MED13L: variants seen among roughly 807,000 people sequenced by gnomAD.
The protein encoded by MED13L is mediator of RNA polymerase II transcription subunit 13-like.
A neutral mutation model predicts 220.9 loss-of-function variants in MED13L; 7 were observed. The ratio of observed to expected loss-of-function variants is 0.03; its 90% CI spans 0.02 to 0.06. MED13L has a LOEUF of 0.06. Ranked by LOEUF, MED13L falls within the 10% of genes least tolerant of loss-of-function variation. The probability of loss-of-function intolerance (pLI) is 1.00; values close to 1 mark genes in which losing one functional copy is unlikely to be tolerated. For missense variants in MED13L, 1,965 were observed against 2,760.5 expected (o/e 0.71, Z 6.46); for synonymous variants, 1,011 against 1,015.2 (o/e 1.00, Z 0.08).
In MED13L at chr12:115,991,906, T is replaced by C; in HGVS notation, c.3048A>G (p.Pro1016=). ...SLADPDYLNT[P]QMNTPVTLNS... is the part of the protein sequence containing the mutation. ...TCAACGTCACGGGTGTGTTCATCTG[T>C]GGTGTGTTCAGATAGTCTGGATCTG... Residue 1016 remains proline, a synonymous_variant, in exon 17 of 31, where the codon CCA becomes CCG. Transcript: ENST00000281928. The surrounding 1 kb of genome is among the most constrained non-coding windows in gnomAD (Gnocchi z 7.7). 6.2e-7 allele frequency: 1 copy of C among 1,600,854 alleles called. No individual in the cohort carries two copies. Among genetic ancestry groups the C allele is most frequent in the Non-Finnish European group, 8.5e-7 (1 of 1,179,888 alleles).
chr12:115,987,489 A>G (rs1445880482), intron 17 of MED13L, among the ~76,000 whole-genome samples: 1 of 152,212 alleles, frequency 6.6e-6, no homozygotes, highest in African/African-American at 2.4e-5. Context: ...AGTATCAACA[A>G]TAATAAAAGG....
chr12:116,185,100 T>C (rs1279526938), intron 2 of MED13L, among the ~76,000 whole-genome samples: 1 of 152,326 alleles, frequency 6.6e-6, no homozygotes, highest in East Asian at 1.9e-4. Flanking sequence ...CAAGAAATTT[T>C]AACAAACATC....
At position 116,082,481 on chromosome 12, in the gene MED13L, T is replaced by C. The variant is rs529476354; in HGVS notation, c.479+14188A>G. On this transcript the variant is annotated intron_variant, in intron 4 of 30. Transcript: ENST00000281928. ...GGATCCACTTCTGCCTGGGTTGCTT[T>C]TCACCTAGGCTGCCTCCGTTATTAC... is the stretch of plus-strand genomic sequence containing the variant. 1.4e-4 allele frequency: 21 copies of C among 152,324 alleles called. No homozygotes were observed. The Middle Eastern group carries it at 0.014, about 99-fold the overall frequency. The allele number at this position is 152,324 out of a possible 1,614,324, so 9.4% of individuals were successfully genotyped here. A position where few individuals can be genotyped will look rare whatever the true frequency, so the allele number is the denominator to read the frequency against.
chr12:116,110,570 T>C (rs2137895311), intron 3 of MED13L, among the ~76,000 whole-genome samples: 1 of 152,252 alleles, frequency 6.6e-6, no homozygotes, highest in East Asian at 1.9e-4. Context: ...AGAAATAGGA[T>C]AATTATACAA....
intron 1 of MED13L, among the ~76,000 whole-genome samples, chr12:116,274,091 TAGAATA>T (rs978248750): frequency 2.6e-5 from 4 of 152,140 alleles, no homozygotes; most frequent in Non-Finnish European, 5.9e-5. Flanking sequence ...TCACAGCAGT[TAGAATA>T]AGAAACTTAT....
chr12:116,243,773 G>A (rs1201548693), intron 1 of MED13L, among the ~76,000 whole-genome samples: 2 of 152,088 alleles, frequency 1.3e-5, no homozygotes, highest in African/African-American at 4.8e-5. Context: ...AAATTAGGAG[G>A]TCTAGGTCCT....
chr12:116,045,524 T>C (rs1422835088), intron 4 of MED13L, among the ~76,000 whole-genome samples: 1 of 152,184 alleles, frequency 6.6e-6, no homozygotes, highest in Non-Finnish European at 1.5e-5. Context: ...GACTTGTAAC[T>C]AATTATTTAA....
At chr12:116,267,606 G>A (rs539720709) in intron 1 of MED13L, among the ~76,000 whole-genome samples, 10 of 152,240 alleles carry the variant, frequency 6.6e-5, no homozygotes, top group African/African-American at 2.2e-4. Flanking sequence ...GAACTATTAC[G>A]TGATCATACT....
intron 22 of MED13L, among the ~76,000 whole-genome samples, chr12:115,981,486 TAAA>T (rs1877327762): frequency 6.6e-6 from 1 of 152,196 alleles, no homozygotes; most frequent in Non-Finnish European, 1.5e-5. Context: ...TAGAATTTTT[TAAA>T]AAATCATTAC....
chr12:116,093,573 C>T (rs1007783748), intron 4 of MED13L, among the ~76,000 whole-genome samples: 3 of 151,876 alleles, frequency 2.0e-5, no homozygotes, highest in African/African-American at 7.2e-5. Context: ...ACAGGGAGAA[C>T]TCATTCATCA....
intron 1 of MED13L, among the ~76,000 whole-genome samples, chr12:116,275,675 T>G (rs1034201010): frequency 6.6e-6 from 1 of 152,176 alleles, no homozygotes; most frequent in African/African-American, 2.4e-5. Context: ...AAATAATGCT[T>G]CTATCTACAG....
chr12:116,127,649 T>C (rs953922191), intron 2 of MED13L, among the ~76,000 whole-genome samples: 1 of 152,210 alleles, frequency 6.6e-6, no homozygotes, highest in Non-Finnish European at 1.5e-5. Flanking sequence ...ATACTAACAC[T>C]TTGTAAAGTA....
chr12:115,991,154 T>C lies in MED13L; in HGVS notation c.3800A>G (p.Asp1267Gly). 1.2e-6 allele frequency: 2 copies of C among 1,614,210 alleles called. No individual in the cohort carries two copies. The highest frequency in any genetic ancestry group is 1.3e-5 in the African/African-American group (1 of 75,042). ...GCATTCCGTCCAGTAATCATTATTA[T>C]CTGCTTGCACCCGGTCATAACTCCA... Reference protein sequence around the residue: ...VSWSYDRVQADNNDYWTECFN... With the variant: ...VSWSYDRVQAGNNDYWTECFN... The change falls in exon 17 of 31, where the codon GAT becomes GGT. Residue 1267 changes from aspartate (D) to glycine (G), a missense_variant. Physicochemically the swap from Asp to Gly is moderately conservative, Grantham distance 94. Coordinates refer to ENST00000281928, the MANE Select transcript of MED13L (RefSeq NM_015335.5). This position sits in a 1 kb window ranked among gnomAD's most constrained non-coding sequence, Gnocchi z 7.7.
intron 2 of MED13L, among the ~76,000 whole-genome samples, chr12:116,162,487 A>C (rs1240542674): frequency 2.6e-5 from 4 of 152,242 alleles, no homozygotes; most frequent in Non-Finnish European, 4.4e-5. Context: ...AGGATTGGTA[A>C]GCCTACATGG....
At chr12:116,140,548 G>C (rs891723668) in intron 2 of MED13L, among the ~76,000 whole-genome samples, 1 of 152,094 alleles carries the variant, frequency 6.6e-6, no homozygotes, top group African/African-American at 2.4e-5. Context: ...ATGAAATGTT[G>C]CTATCTCTAA....
Position 115,984,199 on chromosome 12 carries a change from T to C in MED13L, c.4512A>G (p.Gln1504=), listed in dbSNP as rs1304421862. 6.2e-7 allele frequency: 1 copy of C among 1,613,948 alleles called. No homozygotes were observed. ...ATTTACCTAGGTGATGGCGGCAAAC[T>C]TGCGCATAAAGTTTGAGTCTGGAAT... is the stretch of plus-strand genomic sequence containing the variant. The part of the protein sequence containing the change: ...DNHSRLKLYA[Q]VCRHHLAPYL... The change falls in exon 20 of 31, where the codon CAA becomes CAG. Residue 1504 remains glutamine (Q), a synonymous_variant. Transcript: ENST00000281928.
chr12:116,253,554 T>C (rs76348362), intron 1 of MED13L, among the ~76,000 whole-genome samples: 9,062 of 151,932 alleles, frequency 0.06, 359 homozygotes, highest in African/African-American at 0.095. Flanking sequence ...TAACAAAATA[T>C]TAGCACATCA....
intron 4 of MED13L, among the ~76,000 whole-genome samples, chr12:116,076,451 T>C (rs1388832217): frequency 6.6e-6 from 1 of 152,160 alleles, no homozygotes; most frequent in African/African-American, 2.4e-5. Context: ...GGAGGAGGAC[T>C]GCTTGAGCCC....
chr12:116,025,711 T>C (rs1245274034), intron 4 of MED13L, among the ~76,000 whole-genome samples: 1 of 152,150 alleles, frequency 6.6e-6, no homozygotes, highest in African/African-American at 2.4e-5. Context: ...ATTGCCATTA[T>C]CAGAGGCAGG....
Sources: allele counts gnomAD v4.1 joint callset (sites outside exome capture counted in the v4.1 genomes callset), GRCh38; gene constraint gnomAD v4.1.1; non-coding constraint Gnocchi (gnomAD v3.1); transcripts MANE v1.5; gene names NCBI Gene and HGNC (gene_info 2026-07-23, HGNC 2026-07-21).